Variants in ZBTB47 observed in about 807,000 individuals in gnomAD.
ZBTB47 encodes zinc finger and BTB domain containing 47.
A neutral mutation model predicts 56.6 loss-of-function variants in ZBTB47; 24 were observed. The observed-to-expected ratio is 0.42, with a 90% CI of 0.31 to 0.60. ZBTB47 has a LOEUF of 0.60. Ranked by LOEUF, ZBTB47 falls within the 20% of genes least tolerant of loss-of-function variation. ZBTB47 has a pLI of 0.14. For missense variants in ZBTB47, 829 were observed against 1,032.6 expected (o/e 0.80, Z 2.70); for synonymous variants, 414 against 418.9 (o/e 0.99, Z 0.14).
At chr3:42,661,745 C>T in intron 3 of ZBTB47, 113 bp downstream of exon 3, 1 of 1,421,324 alleles carries the variant, frequency 7.0e-7, no homozygotes, top group Non-Finnish European at 9.4e-7. Flanking sequence ...GAGGAGGCCC[C>T]TCTCAGCTAG....
upstream of ZBTB47, among the ~76,000 whole-genome samples, chr3:42,653,524 C>T (rs564182387): frequency 6.6e-6 from 1 of 152,306 alleles, no homozygotes; most frequent in South Asian, 2.1e-4. Context: ...CCATCCAGAC[C>T]TTGCCAGGTC....
At chr3:42,657,926 TC>T (rs1190618855) in intron 1 of ZBTB47, among the ~76,000 whole-genome samples, 2 of 152,188 alleles carry the variant, frequency 1.3e-5, no homozygotes, top group African/African-American at 2.4e-5. Flanking sequence ...AATGCCCAGG[TC>T]CCTGGCAAAC....
chr3:42,653,397 G>A (rs1009440487), upstream of ZBTB47, among the ~76,000 whole-genome samples: 1 of 152,220 alleles, frequency 6.6e-6, no homozygotes. Flanking sequence ...GTGGGGAGGG[G>A]TGTGGAATAT....
In ZBTB47 at chr3:42,656,011, A is replaced by G. The variant is rs1710637557; in HGVS notation, c.-82+2128A>G. Among the ~76,000 whole-genome samples, 1 of 152,222 alleles carries G rather than the reference A, an allele frequency of 6.6e-6. No homozygotes were observed. The highest frequency in any genetic ancestry group is 2.4e-5 in the African/African-American group (1 of 41,456). On this transcript the variant is annotated intron_variant, in intron 1 of 5. Transcript: ENST00000232974. This position sits in a 1 kb window ranked among gnomAD's most constrained non-coding sequence, Gnocchi z 5.8. Reference sequence around the variant, plus strand: ...ACAGGTGGGCAGTGGAGGGCATTCCATAAAGGGAGAGCAGAGAGATCTGGG... The same window carrying G: ...ACAGGTGGGCAGTGGAGGGCATTCCGTAAAGGGAGAGCAGAGAGATCTGGG...
rs1710790650 is a variant in ZBTB47, at chr3:42,666,470, CT to C, written c.*1873del. ...TCCGTGATGTCCTCAGGGTCCCCCC[CT>C]CCCTGTTGCTATTTTTAATCTCTAG... On this transcript the variant is annotated 3_prime_UTR_variant, in exon 6 of 6. Transcript: ENST00000232974. 6.6e-6 allele frequency among the ~76,000 whole-genome samples: 1 copy of C among 152,182 alleles called. No individual in the cohort carries two copies. Among genetic ancestry groups the C allele is most frequent in the Non-Finnish European group, 1.5e-5 (1 of 68,032 alleles).
Position 42,666,251 on chromosome 3 carries a change from G to A in ZBTB47, c.*1653G>A, listed in dbSNP as rs1396775520. Among the ~76,000 whole-genome samples the A allele has an allele frequency of 6.6e-6, 1 of 152,250 alleles. No homozygotes were observed. The stretch of plus-strand genomic sequence containing the variant: ...TCTGGGCTTGGAGGGTACAGTGCCA[G>A]CAGCTTCCTTGCCCAATTGATGTTG... On this transcript the variant is annotated 3_prime_UTR_variant, in exon 6 of 6. Transcript: ENST00000232974.
At chr3:42,659,938 C>G (rs1415499352) in intron 2 of ZBTB47, 110 bp downstream of exon 2, 1 of 1,405,726 alleles carries the variant, frequency 7.1e-7, no homozygotes, top group Admixed American at 2.8e-5. Flanking sequence ...AGGTGGTCTG[C>G]GGAGACCAGA....
intron 1 of ZBTB47, among the ~76,000 whole-genome samples, chr3:42,658,074 T>C (rs1255331561): frequency 6.6e-6 from 1 of 152,170 alleles, no homozygotes; most frequent in African/African-American, 2.4e-5. Context: ...CCTCAGAGGG[T>C]CACGAGTGGA....
chr3:42,663,770 G>C lies in ZBTB47; in HGVS notation c.1738-27G>C. On this transcript the variant is annotated intron_variant, in intron 4 of 5. Transcript: ENST00000232974. The surrounding 1 kb of genome is among the most constrained non-coding windows in gnomAD (Gnocchi z 5.1). ...AGGCTGCTCTTCTGCTCTGTGCCTG[G>C]GCCTCACCCCCAAACCCCACCCCCA... 1 of 1,611,912 alleles carries C rather than the reference G, an allele frequency of 6.2e-7. No individual in the cohort carries two copies. The highest frequency in any genetic ancestry group is 8.5e-7 in the Non-Finnish European group (1 of 1,178,586).
In ZBTB47 at chr3:42,659,507, C is replaced by G. The variant is rs754871625; in HGVS notation, c.1152C>G (p.Asn384Lys). Reference protein sequence around the residue: ...HSHMATRSRENARRRGTPEPE... With the variant: ...HSHMATRSREKARRRGTPEPE... ...ACATGGCCACACGGTCCCGGGAGAA[C>G]GCCCGGCGCCGGGGTACCCCTGAAC... The change falls in exon 2 of 6, where the codon AAC (asparagine) becomes AAG (lysine). Residue 384 changes from asparagine (N) to lysine (K), a missense_variant. Asn to Lys is a moderately conservative substitution (Grantham distance 94). This residue lies in a region of ZBTB47 where 359 missense variants were observed against 359.8 expected (regional missense o/e 1.00). Coordinates refer to ENST00000232974, the MANE Select transcript of ZBTB47 (RefSeq NM_145166.4). The G allele has an allele frequency of 2.9e-5, 44 of 1,537,186 alleles. No homozygotes were observed. The highest frequency in any genetic ancestry group is 3.8e-5 in the Non-Finnish European group (44 of 1,145,092).
rs762479958 is a variant in ZBTB47, at chr3:42,659,328, CAGGAAG to C, written c.984_989del (p.Glu334_Glu335del). The C allele has an allele frequency of 2.7e-5, 39 of 1,456,718 alleles. No individual in the cohort carries two copies. Among genetic ancestry groups the C allele is most frequent in the African/African-American group, 4.3e-5 (3 of 70,074 alleles). 90.2% of individuals were successfully genotyped at this position (1,456,718 alleles called of 1,614,324 possible). ...AGAGGAGGAGGACGGGCACAGTGAG[CAGGAAG>C]AGGAAGAGGAGGAGGAAGAGGAGGA... On this transcript the variant is annotated inframe_deletion, in exon 2 of 6. Transcript: ENST00000232974.
intron 1 of ZBTB47, among the ~76,000 whole-genome samples, chr3:42,655,376 C>T (rs1710629040): frequency 6.6e-6 from 1 of 152,146 alleles, no homozygotes; most frequent in Admixed American, 6.5e-5. Flanking sequence ...CAGGGAGGCT[C>T]TGAGGCAGGG....
Position 42,659,693 on chromosome 3 carries a change from C to T in ZBTB47, c.1338C>T (p.Asn446=), listed in dbSNP as rs1315716881. The change falls in exon 2 of 6, where the codon AAC becomes AAT. Residue 446 remains asparagine (N), a synonymous_variant. Transcript: ENST00000232974. The part of the protein sequence containing the change: ...HPCQKCPRVF[N]NRWYLEKHMN... Reference sequence around the variant, plus strand: ...GCCAGAAGTGCCCACGAGTTTTCAACAACCGCTGGTACCTGGAGAAACACA... The same window carrying T: ...GCCAGAAGTGCCCACGAGTTTTCAATAACCGCTGGTACCTGGAGAAACACA... The T allele has an allele frequency of 2.5e-6, 4 of 1,613,374 alleles. No homozygotes were observed. Among genetic ancestry groups the T allele is most frequent in the African/African-American group, 1.3e-5 (1 of 75,052 alleles).
At chr3:42,652,999 G>A (rs1233510401), upstream of ZBTB47, among the ~76,000 whole-genome samples, 1 of 152,206 alleles carries the variant, frequency 6.6e-6, no homozygotes, top group Non-Finnish European at 1.5e-5. Flanking sequence ...CTTAACCTGG[G>A]GCCTCTGGGA....
At position 42,663,210 on chromosome 3, in the gene ZBTB47, A is replaced by G; in HGVS notation, c.1737+83A>G. 2.9e-6 allele frequency: 3 copies of G among 1,046,368 alleles called. No homozygotes were observed. The highest frequency in any genetic ancestry group is 2.6e-5 in the South Asian group (2 of 77,372). The allele number at this position is 1,046,368 out of a possible 1,614,324, so 64.8% of individuals were successfully genotyped here. On this transcript the variant is annotated intron_variant, in intron 4 of 5. Transcript: ENST00000232974. The surrounding 1 kb of genome is among the most constrained non-coding windows in gnomAD (Gnocchi z 5.1). ...CAGGGAGCGCAGCTGCTGAAAAACA[A>G]AGGGCTAGGGGGTGGAATGTAGTGT... is the stretch of plus-strand genomic sequence containing the variant.
In ZBTB47 at chr3:42,659,178, C is replaced by T. The variant is rs964527579; in HGVS notation, c.823C>T (p.His275Tyr). The change falls in exon 2 of 6, where the codon CAC (histidine) becomes TAC (tyrosine). Residue 275 changes from histidine (H) to tyrosine (Y), a missense_variant. By Grantham distance (83) the His-to-Tyr change is moderately conservative. Coordinates refer to ENST00000232974, the MANE Select transcript of ZBTB47 (RefSeq NM_145166.4). ...VLGREDGLQR[H>Y]SDEEEEDDEE... ...GGGCCGGGAGGACGGGCTGCAGAGA[C>T]ACTCGGACGAGGAGGAGGAGGACGA... 1.3e-6 allele frequency: 2 copies of T among 1,523,036 alleles called. No individual in the cohort carries two copies. The highest frequency in any genetic ancestry group is 2.7e-5 in the African/African-American group (2 of 72,742). 94.3% of individuals were successfully genotyped at this position (1,523,036 alleles called of 1,614,324 possible). A position where few individuals can be genotyped will look rare whatever the true frequency, so the allele number is the denominator to read the frequency against.
chr3:42,666,031 G>A lies in ZBTB47; in HGVS notation c.*1433G>A, dbSNP rs1418405191. Among the ~76,000 whole-genome samples, 1 of 152,226 alleles carries A rather than the reference G, an allele frequency of 6.6e-6. No individual in the cohort carries two copies. The highest frequency in any genetic ancestry group is 1.5e-5 in the Non-Finnish European group (1 of 68,040). ...TCCCAGCATGGCTGGAGTGGGAAGA[G>A]GCTTGGGCCCCGGGGGAATGGTTAG... On this transcript the variant is annotated 3_prime_UTR_variant, in exon 6 of 6. Transcript: ENST00000232974.
upstream of ZBTB47, among the ~76,000 whole-genome samples, chr3:42,653,354 C>T (rs541513203): frequency 1.3e-5 from 2 of 152,322 alleles, no homozygotes; most frequent in South Asian, 4.1e-4. Context: ...TGCAGCTGGA[C>T]ATGGACTTGT....
In ZBTB47 at chr3:42,664,574, C is replaced by T. The variant is rs1710762071; in HGVS notation, c.2220C>T (p.Gly740=). 1 of 1,413,632 alleles carries T rather than the reference C, an allele frequency of 7.1e-7. No individual in the cohort carries two copies. Among genetic ancestry groups the T allele is most frequent in the Non-Finnish European group, 9.1e-7 (1 of 1,097,870 alleles). The allele number at this position is 1,413,632 out of a possible 1,614,324, so 87.6% of individuals were successfully genotyped here. The part of the protein sequence containing the change: ...PPLFPTTASP[G]GRMNANN ...TCTTCCCCACCACTGCCAGCCCCGGCGGGAGGATGAACGCCAACAACTAGC... is the reference window on the plus strand; with the variant it reads ...TCTTCCCCACCACTGCCAGCCCCGGTGGGAGGATGAACGCCAACAACTAGC... The change falls in exon 6 of 6, where the codon GGC becomes GGT. Residue 740 remains glycine (G), a synonymous_variant. Coordinates refer to ENST00000232974, the MANE Select transcript of ZBTB47 (RefSeq NM_145166.4).
Sources: gnomAD v4.1 joint callset for allele counts (sites outside exome capture counted in the v4.1 genomes callset) on GRCh38, gnomAD v4.1.1 for gene constraint, gnomAD v4.1.1 regional missense constraint, Gnocchi (gnomAD v3.1) non-coding constraint, MANE v1.5 for transcripts, NCBI Gene and HGNC (gene_info 2026-07-23, HGNC 2026-07-21) for gene names.